Variants in COL5A1 observed in about 807,000 individuals in gnomAD.
The protein encoded by COL5A1 is collagen alpha-1(V) chain.
COL5A1 carries 16 observed loss-of-function variants against 263.7 expected under a neutral mutation model. The ratio of observed to expected loss-of-function variants is 0.06; its 90% CI spans 0.04 to 0.09. The LOEUF is 0.09. COL5A1 is among the 10% of genes least tolerant of loss of function. COL5A1 has a pLI of 1.00. For missense variants in COL5A1, 2,036 were observed against 2,540.5 expected (o/e 0.80, Z 4.27); for synonymous variants, 1,012 against 1,004.5 (o/e 1.01, Z -0.14).
chr9:134,667,809 T>C (rs1339096100), intron 1 of COL5A1, among the ~76,000 whole-genome samples: 1 of 152,172 alleles, frequency 6.6e-6, no homozygotes, highest in Admixed American at 6.5e-5. Context: ...TGTGGAGCAA[T>C]AGGGATCCGT....
chr9:134,833,087 G>T (rs1588613341), intron 64 of COL5A1, among the ~76,000 whole-genome samples: 1 of 152,234 alleles, frequency 6.6e-6, no homozygotes, highest in South Asian at 2.1e-4. Context: ...GCTTTAGCCT[G>T]CTTCATTCCC....
intron 11 of COL5A1, among the ~76,000 whole-genome samples, chr9:134,739,988 G>A (rs541476001): frequency 2.1e-4 from 32 of 152,246 alleles, no homozygotes; most frequent in East Asian, 7.7e-4. Flanking sequence ...AGGGCAGTAC[G>A]CATCAGATTG....
intron 1 of COL5A1, among the ~76,000 whole-genome samples, chr9:134,676,215 T>C (rs1832680226): frequency 6.6e-6 from 1 of 152,230 alleles, no homozygotes; most frequent in Non-Finnish European, 1.5e-5. Context: ...CTGATCGGTA[T>C]TGTTCTGGAC....
chr9:134,812,456 C>T lies in COL5A1; in HGVS notation c.3698C>T (p.Pro1233Leu), dbSNP rs886039091. The change falls in exon 47 of 66, where the codon CCA becomes CTA. Residue 1233 changes from proline to leucine, a missense_variant. Coordinates refer to ENST00000371817, the MANE Select transcript of COL5A1 (RefSeq NM_000093.5). Reference sequence around the variant, plus strand: ...GAAGTTTCCTGTTCTCAGGGTTTGCCAGGACCTCCAGGCGAGAAGGGTGAG... The same window carrying T: ...GAAGTTTCCTGTTCTCAGGGTTTGCTAGGACCTCCAGGCGAGAAGGGTGAG... ...PPGPVGLQGL[P>L]GPPGEKGETG... 6.2e-7 allele frequency: 1 copy of T among 1,614,084 alleles called. No individual in the cohort carries two copies. The highest frequency in any genetic ancestry group is 1.7e-5 in the Admixed American group (1 of 60,016).
intron 65 of COL5A1, among the ~76,000 whole-genome samples, chr9:134,836,536 C>T (rs1204336320): frequency 6.6e-6 from 1 of 152,228 alleles, no homozygotes; most frequent in Non-Finnish European, 1.5e-5. Flanking sequence ...AGGGCCGGCC[C>T]TGCAGGGTGC....
chr9:134,765,587 TG>T lies in COL5A1; in HGVS notation c.2035-91del. 2 of 1,139,426 alleles carry T rather than the reference TG, an allele frequency of 1.8e-6. No individual in the cohort carries two copies. The highest frequency in any genetic ancestry group is 2.7e-6 in the Non-Finnish European group (2 of 753,914). 70.6% of individuals were successfully genotyped at this position (1,139,426 alleles called of 1,614,324 possible). ...AGGCCTGAGTCACCAGCTGGGGTTC[TG>T]GGTGGAGTCAGGGCCAAGTGGGCAT... On this transcript the variant is annotated intron_variant, in intron 20 of 65. Transcript: ENST00000371817. This position sits in a 1 kb window ranked among gnomAD's most constrained non-coding sequence, Gnocchi z 5.1.
chr9:134,718,048 C>T (rs1834333222), intron 4 of COL5A1, among the ~76,000 whole-genome samples: 1 of 152,198 alleles, frequency 6.6e-6, no homozygotes, highest in African/African-American at 2.4e-5. Flanking sequence ...TGGTGAGGTC[C>T]ATGTTTCCCG....
At chr9:134,744,327 G>GCA (rs1014861605) in intron 11 of COL5A1, among the ~76,000 whole-genome samples, 2 of 146,602 alleles carry the variant, frequency 1.4e-5, no homozygotes, top group African/African-American at 5.1e-5. Flanking sequence ...ATGCACTCAT[G>GCA]CACACACACT....
At chr9:134,691,668 C>T (rs1481625486) in intron 2 of COL5A1, 1 of 156,230 alleles carries the variant, frequency 6.4e-6, no homozygotes, top group Non-Finnish European at 1.4e-5. Context: ...TGGGGCGGCA[C>T]CTGCCACAGT....
rs1835985824 is a variant in COL5A1 at position 134,756,645 on chromosome 9, C to G, written c.1828-120C>G. The G allele has an allele frequency of 4.5e-6, 5 of 1,117,968 alleles. No homozygotes were observed. In the Admixed American group the frequency reaches 5.2e-5, roughly 12 times the overall value. 69.3% of individuals were successfully genotyped at this position (1,117,968 alleles called of 1,614,324 possible). A position where few individuals can be genotyped will look rare whatever the true frequency, so the allele number is the denominator to read the frequency against. ...AGCAGCCCGGCCACTCGGGCTGTGACCTTGGGGGTGGGCGCGGCTCTGGTG... is the reference window on the plus strand; with the variant it reads ...AGCAGCCCGGCCACTCGGGCTGTGAGCTTGGGGGTGGGCGCGGCTCTGGTG... On this transcript the variant is annotated intron_variant, in intron 16 of 65. Coordinates refer to ENST00000371817, the MANE Select transcript of COL5A1 (RefSeq NM_000093.5).
chr9:134,805,415 G>A (rs1388013765), intron 41 of COL5A1, among the ~76,000 whole-genome samples: 1 of 152,190 alleles, frequency 6.6e-6, no homozygotes, highest in Non-Finnish European at 1.5e-5. Flanking sequence ...GGGTCCCAGG[G>A]GCACACCGAG....
rs1293261154 is a variant in COL5A1 at position 134,824,808 on chromosome 9, C to T, written c.4907C>T (p.Ala1636Val). 1 of 1,613,968 alleles carries T rather than the reference C, an allele frequency of 6.2e-7. No homozygotes were observed. The highest frequency in any genetic ancestry group is 1.1e-5 in the South Asian group (1 of 91,090). The change falls in exon 62 of 66, where the codon GCC (alanine) becomes GTC (valine). Residue 1636 changes from alanine to valine, a missense_variant. Physicochemically the swap from Ala to Val is moderately conservative, Grantham distance 64 (BLOSUM62 0). This residue lies in a region of COL5A1 where 358 missense variants were observed against 384.6 expected (regional missense o/e 0.93). Coordinates refer to ENST00000371817, the MANE Select transcript of COL5A1 (RefSeq NM_000093.5). ...KRPLGTQQNP[A>V]RTCKDLQLCH... ...CCCCTGGGCACGCAGCAGAACCCCG[C>T]CCGCACCTGCAAGGACCTGCAGCTC... is the stretch of plus-strand genomic sequence containing the variant.
At position 134,842,363 on chromosome 9, in the gene COL5A1, T is replaced by C; in HGVS notation, c.*60T>C. 1 of 1,599,738 alleles carries C rather than the reference T, an allele frequency of 6.3e-7. No homozygotes were observed. Among genetic ancestry groups the C allele is most frequent in the Non-Finnish European group, 8.5e-7 (1 of 1,171,620 alleles). On this transcript the variant is annotated 3_prime_UTR_variant, in exon 66 of 66. Transcript: ENST00000371817. This position sits in a 1 kb window ranked among gnomAD's most constrained non-coding sequence, Gnocchi z 5.8. ...GTGACCTCAGCATGCCATTCGTTCG[T>C]GAGTGTCCCGTGCACGTCCTGACCC...
intron 1 of COL5A1, among the ~76,000 whole-genome samples, chr9:134,657,097 A>G (rs192488119): frequency 0.1 from 3 of 30 alleles, no homozygotes; most frequent in Admixed American, 0.25. Context: ...TATGGGGGTC[A>G]GGGCGGGGGT....
rs759464073 is a variant in COL5A1, at chr9:134,817,793, G to A, written c.4192G>A (p.Ala1398Thr). Residue 1398 changes from alanine to threonine, a missense_variant, in exon 54 of 66, where the codon GCA becomes ACA. Transcript: ENST00000371817. ...CTTCTTTCAGGGTCCCCCAGGCCCC[G>A]CAGGCCCCGAAGGCAGACAGGGAGA... ...PPGKRGPPGPAGPEGRQGEKG... is the reference protein window; with the variant it reads ...PPGKRGPPGPTGPEGRQGEKG... The A allele has an allele frequency of 2.8e-5, 45 of 1,611,504 alleles. No homozygotes were observed. The highest frequency in any genetic ancestry group is 3.4e-5 in the Non-Finnish European group (40 of 1,178,922).
At chr9:134,691,195 C>T (rs1212628934) in intron 2 of COL5A1, 116 bp downstream of exon 2, 7 of 1,352,618 alleles carry the variant, frequency 5.2e-6, no homozygotes, top group Non-Finnish European at 7.2e-6. Context: ...TTCCAGGAAG[C>T]CCCTCTCACG....
intron 11 of COL5A1, among the ~76,000 whole-genome samples, chr9:134,748,145 G>A (rs543231121): frequency 7.0e-6 from 1 of 143,482 alleles, no homozygotes; most frequent in South Asian, 2.2e-4. Context: ...GCATACACAT[G>A]CATTCACACA....
At chr9:134,664,647 C>T (rs559550540) in intron 1 of COL5A1, among the ~76,000 whole-genome samples, 6 of 152,358 alleles carry the variant, frequency 3.9e-5, no homozygotes, top group South Asian at 2.1e-4. Flanking sequence ...ACTGCTCCCT[C>T]GGCCAGATGG....
Position 134,641,961 on chromosome 9 carries a change from C to T in COL5A1, c.-227C>T. 2 of 396,304 alleles carry T rather than the reference C, an allele frequency of 5.0e-6. No individual in the cohort carries two copies. Among genetic ancestry groups the T allele is most frequent in the Non-Finnish European group, 8.8e-6 (2 of 225,992 alleles). The allele number at this position is 396,304 out of a possible 1,614,324, so 24.5% of individuals were successfully genotyped here. ...CGAGCTAGCCCAGCGGGGTCCCGGC[C>T]GCCCCGCGGGCCAAAGTCGAGCCCT... On this transcript the variant is annotated 5_prime_UTR_variant, in exon 1 of 66. Coordinates refer to ENST00000371817, the MANE Select transcript of COL5A1 (RefSeq NM_000093.5).
Sources: allele counts gnomAD v4.1 joint callset (sites outside exome capture counted in the v4.1 genomes callset), GRCh38; gene constraint gnomAD v4.1.1; regional missense constraint gnomAD v4.1.1; non-coding constraint Gnocchi (gnomAD v3.1); transcripts MANE v1.5; gene names NCBI Gene and HGNC (gene_info 2026-07-23, HGNC 2026-07-21).